The following VPS35L variants were observed in gnomAD, a reference collection of about 807,000 sequenced individuals.
The protein encoded by VPS35L is VPS35 endosomal protein-sorting factor-like.
Under a neutral mutation model 133.0 loss-of-function variants are expected in VPS35L, and 83 were observed. The ratio of observed to expected loss-of-function variants is 0.62; its 90% CI spans 0.52 to 0.75. VPS35L has a LOEUF of 0.75. Ranked by LOEUF, VPS35L falls within the 30% of genes least tolerant of loss-of-function variation. VPS35L has a pLI of 0.00. For synonymous variants in VPS35L, 423 were observed against 449.9 expected, an observed-to-expected ratio of 0.94 and a Z score of 0.76; for missense variants, 1,083 against 1,206.8, an observed-to-expected ratio of 0.90 and a Z score of 1.52.
intron 28 of VPS35L, among the ~76,000 whole-genome samples, chr16:19,683,621 G>A (rs1415702269): frequency 2.0e-5 from 3 of 152,200 alleles, no homozygotes; most frequent in Non-Finnish European, 2.9e-5. Context: ...TTGCCACAAA[G>A]GCCATGATTT....
rs145460597 is a variant in VPS35L, at chr16:19,578,349, G to A, written c.434-703G>A. On this transcript the variant is annotated intron_variant, in intron 5 of 30. Transcript: ENST00000417362. The stretch of plus-strand genomic sequence containing the variant: ...AGATCGCGCCACCGCACTCCAGCGT[G>A]GACGACAGAGTAAGACCCCATCTCA... 6.6e-4 allele frequency: 292 copies of A among 440,188 alleles called. 3 individuals are homozygous for A. The highest frequency in any genetic ancestry group is 5.5e-3 in the African/African-American group (264 of 47,772). The allele number at this position is 440,188 out of a possible 1,614,324, so 27.3% of individuals were successfully genotyped here.
intron 7 of VPS35L, among the ~76,000 whole-genome samples, chr16:19,590,245 G>C (rs1426158886): frequency 6.8e-6 from 1 of 146,098 alleles, no homozygotes; most frequent in Non-Finnish European, 1.5e-5. Context: ...GAAACTTGGT[G>C]ACTCTAACAA....
At chr16:19,578,100 G>A (rs886828149) in intron 5 of VPS35L, among the ~76,000 whole-genome samples, 1 of 152,148 alleles carries the variant, frequency 6.6e-6, no homozygotes, top group Non-Finnish European at 1.5e-5. Context: ...TGTTTTTTAA[G>A]TACAGTTTTA....
intron 11 of VPS35L, among the ~76,000 whole-genome samples, chr16:19,609,924 G>A (rs552093998): frequency 5.3e-4 from 81 of 152,228 alleles, no homozygotes; most frequent in African/African-American, 1.4e-3. Context: ...TGAGATTCAC[G>A]GAAGGAACAG....
chr16:19,619,743 A>G (rs1412549368), intron 14 of VPS35L, among the ~76,000 whole-genome samples: 1 of 152,188 alleles, frequency 6.6e-6, no homozygotes, highest in African/African-American at 2.4e-5. Flanking sequence ...GAATAATAAT[A>G]AACTCTGATT....
intron 29 of VPS35L, among the ~76,000 whole-genome samples, chr16:19,696,172 C>T (rs1046492519): frequency 6.6e-6 from 1 of 152,204 alleles, no homozygotes; most frequent in African/African-American, 2.4e-5. Context: ...GCATAAGCCA[C>T]CGTGCCCGGC....
rs761823815 is a variant in VPS35L at position 19,699,582 on chromosome 16, C to A, written c.2727C>A (p.Leu909=). The stretch of plus-strand genomic sequence containing the variant: ...ATGGGGACCTACGCAACAACAAGCT[C>A]AACCAGCTCTCCGTCAACCTGTGGC... ...LAHGDLRNNK[L]NQLSVNLWHL... Residue 909 remains leucine, a synonymous_variant, in exon 30 of 31, where the codon CTC becomes CTA. Coordinates refer to ENST00000417362, the MANE Select transcript of VPS35L (RefSeq NM_020314.7). This position sits in a 1 kb window ranked among gnomAD's most constrained non-coding sequence, Gnocchi z 4.2. 1 of 1,614,172 alleles carries A rather than the reference C, an allele frequency of 6.2e-7. No homozygotes were observed. The highest frequency in any genetic ancestry group is 1.1e-5 in the South Asian group (1 of 91,082).
intron 21 of VPS35L, among the ~76,000 whole-genome samples, chr16:19,640,562 A>G (rs1194800948): frequency 2.6e-5 from 4 of 152,226 alleles, no homozygotes; most frequent in Admixed American, 2.0e-4. Flanking sequence ...AAAGGTTTTC[A>G]TCTTCAGTGT....
At chr16:19,681,039 G>T (rs893450444) in intron 27 of VPS35L, among the ~76,000 whole-genome samples, 1 of 152,112 alleles carries the variant, frequency 6.6e-6, no homozygotes, top group African/African-American at 2.4e-5. Flanking sequence ...CTACCAAGGA[G>T]CCGTCTGGCC....
intron 8 of VPS35L, among the ~76,000 whole-genome samples, chr16:19,599,454 G>A (rs1017342099): frequency 3.9e-5 from 6 of 152,018 alleles, no homozygotes; most frequent in East Asian, 1.9e-4. Flanking sequence ...CTAAATCAGT[G>A]GTTCTCACAT....
chr16:19,563,317 A>C lies in VPS35L; in HGVS notation c.18-1534A>C, dbSNP rs1971084925. On this transcript the variant is annotated intron_variant, in intron 1 of 30. Coordinates refer to ENST00000417362, the MANE Select transcript of VPS35L (RefSeq NM_020314.7). ...AGATGCCAACTCTCAAAAAAACTTAAAAAAAAAAAAAAGAAAAGGAAAAAT... is the reference window on the plus strand; with the variant it reads ...AGATGCCAACTCTCAAAAAAACTTACAAAAAAAAAAAAGAAAAGGAAAAAT... Among the ~76,000 whole-genome samples the C allele has an allele frequency of 2.1e-5, 3 of 140,914 alleles. No homozygotes were observed. The South Asian group carries it at 6.5e-4, about 30-fold the overall frequency. The allele number at this position is 140,914 out of a possible 152,430, so 92.4% of individuals were successfully genotyped here.
In VPS35L at chr16:19,603,386, G is replaced by A. The variant is rs139994043; in HGVS notation, c.784+1663G>A. On this transcript the variant is annotated intron_variant, in intron 9 of 30. Transcript: ENST00000417362. ...TGACGTAACTATTAAAAAAGACACC[G>A]GATTTCAAAGAGTCAGTACAAGTAA... 3.0e-4 allele frequency among the ~76,000 whole-genome samples: 45 copies of A among 152,212 alleles called. No homozygotes were observed. In the East Asian group the frequency reaches 4.6e-3, roughly 16 times the overall value.
Position 19,682,410 on chromosome 16 carries a change from C to T in VPS35L, c.2527+20C>T. ...ACAAAGGTAGCAGAGCCTCCCCCAC[C>T]AAACCATGCTCCGCATGGATTTCAT... On this transcript the variant is annotated intron_variant, in intron 28 of 30. Transcript: ENST00000417362. 2.5e-6 allele frequency: 4 copies of T among 1,609,692 alleles called. No individual in the cohort carries two copies. The South Asian group carries it at 4.4e-5, about 18-fold the overall frequency.
At chr16:19,686,370 G>A (rs892491107) in intron 28 of VPS35L, among the ~76,000 whole-genome samples, 10 of 152,172 alleles carry the variant, frequency 6.6e-5, no homozygotes, top group East Asian at 1.9e-4. Flanking sequence ...CAATCCCTCC[G>A]GTGCTTTTAC....
At chr16:19,618,925 T>G (rs1330371724) in intron 14 of VPS35L, among the ~76,000 whole-genome samples, 1 of 151,524 alleles carries the variant, frequency 6.6e-6, no homozygotes, top group African/African-American at 2.4e-5. Flanking sequence ...CTATCTGTTT[T>G]TTTTTTTTTT....
intron 29 of VPS35L, among the ~76,000 whole-genome samples, chr16:19,696,137 G>A (rs552438761): frequency 6.6e-6 from 1 of 152,302 alleles, no homozygotes; most frequent in South Asian, 2.1e-4. Context: ...GCCCGCCTCA[G>A]CTTCCCAAAG....
intron 9 of VPS35L, among the ~76,000 whole-genome samples, chr16:19,602,370 A>G (rs1053212486): frequency 6.6e-6 from 1 of 152,086 alleles, no homozygotes; most frequent in Non-Finnish European, 1.5e-5. Flanking sequence ...TAGAGCAACC[A>G]GCTTGCTCCA....
intron 29 of VPS35L, chr16:19,694,194 C>T (rs1220043929): frequency 6.6e-6 from 1 of 152,132 alleles, no homozygotes; most frequent in Non-Finnish European, 1.5e-5. Context: ...ACCACATGTA[C>T]CTCATAAATA....
chr16:19,641,937 C>T lies in VPS35L; in HGVS notation c.1785-459C>T, dbSNP rs139007496. Among the ~76,000 whole-genome samples the T allele has an allele frequency of 5.4e-3, 820 of 152,264 alleles. 6 individuals are homozygous for T. Among genetic ancestry groups the T allele is most frequent in the African/African-American group, 0.019 (776 of 41,566 alleles). Reference sequence around the variant, plus strand: ...TATTTAAAGAATTCTGGGCCAGGTGCGGTGGCTCACGCCCGTAATCCCAAT... The same window carrying T: ...TATTTAAAGAATTCTGGGCCAGGTGTGGTGGCTCACGCCCGTAATCCCAAT... On this transcript the variant is annotated intron_variant, in intron 21 of 30. Transcript: ENST00000417362.
Sources: gnomAD v4.1 joint callset for allele counts (sites outside exome capture counted in the v4.1 genomes callset) on GRCh38, gnomAD v4.1.1 for gene constraint, Gnocchi (gnomAD v3.1) non-coding constraint, MANE v1.5 for transcripts, NCBI Gene and HGNC (gene_info 2026-07-23, HGNC 2026-07-21) for gene names.